The following SGCD variants were observed in gnomAD, a reference collection of about 807,000 sequenced individuals.
The protein encoded by SGCD is sarcoglycan delta.
Under a neutral mutation model 36.6 loss-of-function variants are expected in SGCD, and 18 were observed. That is an observed-to-expected ratio of 0.49 (90% confidence interval 0.34 to 0.73). SGCD has a LOEUF of 0.73. SGCD is among the 30% of genes least tolerant of loss of function. SGCD has a pLI of 0.01. For synonymous variants in SGCD, 133 were observed against 130.6 expected (o/e 1.02, Z -0.12); for missense variants, 387 against 346.7 (o/e 1.12, Z -0.92).
At chr5:156,219,943 G>A (rs768214123) in intron 3 of SGCD, among the ~76,000 whole-genome samples, 4 of 152,186 alleles carry the variant, frequency 2.6e-5, no homozygotes, top group Non-Finnish European at 5.9e-5. Context: ...AGTTCAGAAT[G>A]TGATCTTTGC....
intron 4 of SGCD, among the ~76,000 whole-genome samples, chr5:156,563,653 T>G (rs1759361014): frequency 6.6e-6 from 1 of 152,252 alleles, no homozygotes; most frequent in Non-Finnish European, 1.5e-5. Flanking sequence ...TATCAAAGAA[T>G]GAAGCAGCTA....
the SGCD span, among the ~76,000 whole-genome samples, chr5:155,859,040 T>G: frequency 4.3e-4 from 65 of 151,984 alleles, no homozygotes; most frequent in African/African-American, 1.5e-3. Flanking sequence ...TAATTTTTAT[T>G]TTTTCATATC....
intron 4 of SGCD, among the ~76,000 whole-genome samples, chr5:156,568,319 G>C (rs371597502): frequency 1.2e-4 from 18 of 152,290 alleles, no homozygotes; most frequent in African/African-American, 4.3e-4. Context: ...GGGAGGCAGA[G>C]GTAGTGAGCC....
chr5:156,463,732 T>A (rs1199945155), intron 3 of SGCD, among the ~76,000 whole-genome samples: 1 of 152,110 alleles, frequency 6.6e-6, no homozygotes. Flanking sequence ...CGGTGGTGCG[T>A]GCTAGTAATC....
At chr5:155,828,557 C>T in the SGCD span, among the ~76,000 whole-genome samples, 2 of 152,178 alleles carry the variant, frequency 1.3e-5, no homozygotes, top group Non-Finnish European at 2.9e-5. Context: ...GATTTGAGGT[C>T]ACCTTGAAGC....
chr5:155,805,877 A>G, the SGCD span, among the ~76,000 whole-genome samples: 1 of 152,280 alleles, frequency 6.6e-6, no homozygotes, highest in Admixed American at 6.5e-5. Flanking sequence ...AGCAAACCTG[A>G]AGTAAGGTGT....
intron 6 of SGCD, among the ~76,000 whole-genome samples, chr5:156,609,030 T>C (rs1341860611): frequency 6.6e-6 from 1 of 152,208 alleles, no homozygotes; most frequent in Non-Finnish European, 1.5e-5. Context: ...AATTGGAGCA[T>C]TTAGCCCATT....
chr5:156,111,995 G>A (rs1761801043), intron 1 of SGCD, among the ~76,000 whole-genome samples: 1 of 152,092 alleles, frequency 6.6e-6, no homozygotes, highest in Admixed American at 6.5e-5. Context: ...AGCCAGGCTG[G>A]TCTCGAACTC....
the SGCD span, among the ~76,000 whole-genome samples, chr5:155,761,760 C>T: frequency 6.6e-5 from 10 of 150,440 alleles, no homozygotes; most frequent in Non-Finnish European, 1.5e-4. Context: ...ATCATCCTCA[C>T]CATCACCCTC....
chr5:156,017,379 A>G (rs1406981310), intron 1 of SGCD, among the ~76,000 whole-genome samples: 1 of 152,080 alleles, frequency 6.6e-6, no homozygotes, highest in African/African-American at 2.4e-5. Flanking sequence ...TAAAATTGCA[A>G]CTGAATTGTA....
chr5:156,180,785 AC>A (rs1483202272), intron 3 of SGCD, among the ~76,000 whole-genome samples: 4 of 152,226 alleles, frequency 2.6e-5, no homozygotes, highest in Non-Finnish European at 4.4e-5. Context: ...TTTGGGAGGC[AC>A]ACATTATTTT....
At chr5:156,709,833 T>C (rs1221492221) in intron 7 of SGCD, among the ~76,000 whole-genome samples, 44 of 140,050 alleles carry the variant, frequency 3.1e-4, no homozygotes, top group East Asian at 2.0e-3. Context: ...TGCCGCCCCC[T>C]CCCCCCCGAC....
intron 3 of SGCD, among the ~76,000 whole-genome samples, chr5:156,208,370 C>G (rs1220749905): frequency 6.6e-6 from 1 of 152,208 alleles, no homozygotes; most frequent in Non-Finnish European, 1.5e-5. Flanking sequence ...CTTGATGACT[C>G]AGAAGCTCAG....
chr5:156,191,051 G>A (rs959777687), intron 3 of SGCD, among the ~76,000 whole-genome samples: 2 of 152,072 alleles, frequency 1.3e-5, no homozygotes, highest in Non-Finnish European at 2.9e-5. Flanking sequence ...GTAATGGATT[G>A]GAGCTAATAT....
intron 7 of SGCD, among the ~76,000 whole-genome samples, chr5:156,710,762 C>T (rs1053483854): frequency 6.6e-6 from 1 of 152,042 alleles, no homozygotes; most frequent in African/African-American, 2.4e-5. Flanking sequence ...TAGATGAAGT[C>T]TCATAGGTGG....
Position 155,883,635 on chromosome 5 carries a change from T to C in SGCD, c.-282+13211T>C, listed in dbSNP as rs541091096. Among the ~76,000 whole-genome samples the C allele has an allele frequency of 5.3e-5, 8 of 151,936 alleles. 1 individual carries two copies. In the South Asian group the frequency reaches 1.7e-3, roughly 32 times the overall value. ...ATAATAGTAACATCAAAGATCCCGG[T>C]CACAAGTCACTATAACAAATATAAT... On this transcript the variant is annotated intron_variant, in intron 1 of 9. Coordinates refer to the SGCD transcript ENST00000517913.
At chr5:156,306,456 C>A (rs1317592093) in intron 3 of SGCD, among the ~76,000 whole-genome samples, 2 of 152,156 alleles carry the variant, frequency 1.3e-5, no homozygotes, top group Non-Finnish European at 2.9e-5. Context: ...TCCATTAAAC[C>A]TTTTTCTTTT....
chr5:156,041,736 T>C (rs1256418897), intron 1 of SGCD, among the ~76,000 whole-genome samples: 2 of 152,120 alleles, frequency 1.3e-5, no homozygotes, highest in East Asian at 3.9e-4. Context: ...AAAGGTTTCC[T>C]GTAAGGAAGA....
At chr5:156,338,236 A>T (rs191863102) in intron 2 of SGCD, among the ~76,000 whole-genome samples, 1 of 152,220 alleles carries the variant, frequency 6.6e-6, no homozygotes, top group Non-Finnish European at 1.5e-5. Flanking sequence ...GGTAATGTAG[A>T]TACTGTAACT....
Sources: allele counts gnomAD v4.1 joint callset (sites outside exome capture counted in the v4.1 genomes callset), GRCh38; gene constraint gnomAD v4.1.1; transcripts MANE v1.5; gene names NCBI Gene and HGNC (gene_info 2026-07-23, HGNC 2026-07-21).